Variants in KCNQ1 observed in about 807,000 individuals in gnomAD.
KCNQ1 encodes potassium voltage-gated channel subfamily Q member 1, also known as potassium voltage-gated channel subfamily KQT member 1.
Under a neutral mutation model 72.4 loss-of-function variants are expected in KCNQ1, and 49 were observed. The ratio of observed to expected loss-of-function variants is 0.68; its 90% CI spans 0.54 to 0.86. The LOEUF is 0.86. KCNQ1 is among the 40% of genes least tolerant of loss of function. The pLI is 0.00. For synonymous variants in KCNQ1, 450 were observed against 412.6 expected, an observed-to-expected ratio of 1.09 and a Z score of -1.10; for missense variants, 790 against 945.1, an observed-to-expected ratio of 0.84 and a Z score of 2.15.
intron 11 of KCNQ1, among the ~76,000 whole-genome samples, chr11:2,729,078 C>G (rs1845809475): frequency 6.6e-6 from 1 of 152,268 alleles, no homozygotes; most frequent in Non-Finnish European, 1.5e-5. Context: ...CACCCCCCGC[C>G]TGCCCCAGGC....
rs532381941 is a variant in KCNQ1 at position 2,724,951 on chromosome 11, G to T, written c.1515-43893G>T. 1.8e-4 allele frequency among the ~76,000 whole-genome samples: 28 copies of T among 152,198 alleles called. No individual in the cohort carries two copies. Among genetic ancestry groups the T allele is most frequent in the Non-Finnish European group, 3.5e-4 (24 of 68,040 alleles). ...AACCTGGACAGGGTGCCGAGGGCAG[G>T]GTCTGGTGTGGCTATCAGGAGCCAC... On this transcript the variant is annotated intron_variant, in intron 11 of 15. Transcript: ENST00000155840. This position sits in a 1 kb window ranked among gnomAD's most constrained non-coding sequence, Gnocchi z 6.8.
At chr11:2,529,323 T>C (rs1847569766) in intron 2 of KCNQ1, among the ~76,000 whole-genome samples, 1 of 152,188 alleles carries the variant, frequency 6.6e-6, no homozygotes, top group Non-Finnish European at 1.5e-5. Flanking sequence ...GGCTTTCTTT[T>C]TCGGGGGTTT....
chr11:2,770,247 C>T (rs1292096479), intron 12 of KCNQ1, among the ~76,000 whole-genome samples: 1 of 152,224 alleles, frequency 6.6e-6, no homozygotes, highest in Non-Finnish European at 1.5e-5. Flanking sequence ...AGCCTCCAGA[C>T]TTCACAGGGC....
chr11:2,657,422 T>C lies in KCNQ1; in HGVS notation c.1394-4539T>C, dbSNP rs371147129. ...CAATTTTCTCCAGAGTTCTTGCATA[T>C]ACTTAGTTAGATAATTAATATTCTT... On this transcript the variant is annotated intron_variant, in intron 10 of 15. Transcript: ENST00000155840. The surrounding 1 kb of genome is among the most constrained non-coding windows in gnomAD (Gnocchi z 4.8). 1.8e-5 allele frequency: 7 copies of C among 398,582 alleles called. No homozygotes were observed. The highest frequency in any genetic ancestry group is 1.2e-4 in the African/African-American group (6 of 48,766). The allele number at this position is 398,582 out of a possible 1,614,324, so 24.7% of individuals were successfully genotyped here. A position where few individuals can be genotyped will look rare whatever the true frequency, so the allele number is the denominator to read the frequency against.
intron 7 of KCNQ1, among the ~76,000 whole-genome samples, 195 bp downstream of exon 7, chr11:2,583,740 C>T (rs552129037): frequency 2.6e-5 from 4 of 152,332 alleles, no homozygotes; most frequent in South Asian, 4.1e-4. Flanking sequence ...TTTGCAGTCC[C>T]CACTGGGGTC....
rs1849688963 is a variant in KCNQ1 at position 2,647,786 on chromosome 11, G to T, written c.1394-14175G>T. On this transcript the variant is annotated intron_variant, in intron 10 of 15. Coordinates refer to ENST00000155840, the MANE Select transcript of KCNQ1 (RefSeq NM_000218.3). The surrounding 1 kb of genome is among the most constrained non-coding windows in gnomAD (Gnocchi z 4.0). ...GTTTTCTAATTGTTGACATATAGTT[G>T]TTCATAATGGTCTCTAATAATCTTT... 1 of 398,362 alleles carries T rather than the reference G, an allele frequency of 2.5e-6. No individual in the cohort carries two copies. The highest frequency in any genetic ancestry group is 4.4e-6 in the Non-Finnish European group (1 of 226,030). 24.7% of individuals were successfully genotyped at this position (398,362 alleles called of 1,614,324 possible). A position where few individuals can be genotyped will look rare whatever the true frequency, so the allele number is the denominator to read the frequency against.
chr11:2,522,932 T>C (rs1847414129), intron 1 of KCNQ1, among the ~76,000 whole-genome samples: 1 of 152,252 alleles, frequency 6.6e-6, no homozygotes, highest in South Asian at 2.1e-4. Flanking sequence ...CAGTCTTCCC[T>C]GGCCACATCC....
rs1325699648 is a variant in KCNQ1, at chr11:2,695,347, C to T, written c.1514+33266C>T. On this transcript the variant is annotated intron_variant, in intron 11 of 15. Transcript: ENST00000155840. The surrounding 1 kb of genome is among the most constrained non-coding windows in gnomAD (Gnocchi z 5.2). The stretch of plus-strand genomic sequence containing the variant: ...ATATCATTGTGTGTGTGTGTGTGCA[C>T]TCACGAGCACTCCCTAGTACTGCGT... 4 of 397,136 alleles carry T rather than the reference C, an allele frequency of 1.0e-5. No homozygotes were observed. The allele number at this position is 397,136 out of a possible 1,614,324, so 24.6% of individuals were successfully genotyped here. A position where few individuals can be genotyped will look rare whatever the true frequency, so the allele number is the denominator to read the frequency against.
intron 6 of KCNQ1, among the ~76,000 whole-genome samples, chr11:2,580,589 G>A (rs183319181): frequency 1.3e-5 from 2 of 152,350 alleles, no homozygotes; most frequent in African/African-American, 4.8e-5. Flanking sequence ...TTGGGTGGGA[G>A]CAGGAGTGCC....
chr11:2,733,814 A>ACTCT lies in KCNQ1; in HGVS notation c.1515-35026_1515-35023dup, dbSNP rs1554914246. On this transcript the variant is annotated intron_variant, in intron 11 of 15. Coordinates refer to ENST00000155840, the MANE Select transcript of KCNQ1 (RefSeq NM_000218.3). ...CACACACACACACACACACACACAC[A>ACTCT]CTCTCTCACTCTCTCTCTCTCTCTC... Among the ~76,000 whole-genome samples, 82 of 86,466 alleles carry ACTCT rather than the reference A, an allele frequency of 9.5e-4. 1 individual carries two copies. The highest frequency in any genetic ancestry group is 6.9e-3 in the Middle Eastern group (1 of 144). The allele number at this position is 86,466 out of a possible 152,430, so 56.7% of individuals were successfully genotyped here.
chr11:2,815,809 C>G lies in KCNQ1; in HGVS notation c.1795-31958C>G, dbSNP rs1847601603. Among the ~76,000 whole-genome samples, 1 of 152,146 alleles carries G rather than the reference C, an allele frequency of 6.6e-6. No homozygotes were observed. Among genetic ancestry groups the G allele is most frequent in the Non-Finnish European group, 1.5e-5 (1 of 68,010 alleles). ...CCCCAGCCCTTCCTGCTGGCCTCCC[C>G]AGAGCTCCAGGCTCTGAGGCCACAC... On this transcript the variant is annotated intron_variant, in intron 15 of 15. Coordinates refer to ENST00000155840, the MANE Select transcript of KCNQ1 (RefSeq NM_000218.3). This position sits in a 1 kb window ranked among gnomAD's most constrained non-coding sequence, Gnocchi z 5.4.
At chr11:2,699,413 G>A (rs961219751) in intron 11 of KCNQ1, 2 of 404,060 alleles carry the variant, frequency 4.9e-6, no homozygotes, top group Non-Finnish European at 8.7e-6. Flanking sequence ...GAGATGGGGA[G>A]GGCCGCGCTG....
rs1219609503 is a variant in KCNQ1, at chr11:2,601,596, GT to G, written c.1393+12743del. On this transcript the variant is annotated intron_variant, in intron 10 of 15. Transcript: ENST00000155840. The surrounding 1 kb of genome is among the most constrained non-coding windows in gnomAD (Gnocchi z 5.2). ...TCCCATCCCATCCCTCCAATCCCTG[GT>G]GACCACTCATCTGTTCTCTGATTCT... Among the ~76,000 whole-genome samples the G allele has an allele frequency of 1.3e-5, 2 of 152,058 alleles. No homozygotes were observed. Among genetic ancestry groups the G allele is most frequent in the Non-Finnish European group, 2.9e-5 (2 of 68,004 alleles).
In KCNQ1 at chr11:2,463,004, C is replaced by T. The variant is rs373191416; in HGVS notation, c.386+17520C>T. Among the ~76,000 whole-genome samples, 531 of 152,134 alleles carry T rather than the reference C, an allele frequency of 3.5e-3. 5 individuals carry two copies. The highest frequency in any genetic ancestry group is 0.012 in the African/African-American group (510 of 41,488). On this transcript the variant is annotated intron_variant, in intron 1 of 15. Coordinates refer to ENST00000155840, the MANE Select transcript of KCNQ1 (RefSeq NM_000218.3). The surrounding 1 kb of genome is among the most constrained non-coding windows in gnomAD (Gnocchi z 7.0). ...TGGGTGAGGCCCCTGAACTGGTAAGCGGGGCAGCGGCGGCAGGGGGCCCAG... is the reference window on the plus strand; with the variant it reads ...TGGGTGAGGCCCCTGAACTGGTAAGTGGGGCAGCGGCGGCAGGGGGCCCAG...
chr11:2,661,211 C>T lies in KCNQ1; in HGVS notation c.1394-750C>T. 1 of 398,552 alleles carries T rather than the reference C, an allele frequency of 2.5e-6. No individual in the cohort carries two copies. The highest frequency in any genetic ancestry group is 4.4e-6 in the Non-Finnish European group (1 of 226,126). The allele number at this position is 398,552 out of a possible 1,614,324, so 24.7% of individuals were successfully genotyped here. A position where few individuals can be genotyped will look rare whatever the true frequency, so the allele number is the denominator to read the frequency against. On this transcript the variant is annotated intron_variant, in intron 10 of 15. Coordinates refer to ENST00000155840, the MANE Select transcript of KCNQ1 (RefSeq NM_000218.3). The surrounding 1 kb of genome is among the most constrained non-coding windows in gnomAD (Gnocchi z 5.9). ...AGCCATTGTGAATCTTTGAATTATT[C>T]CACTTCTCACAGATGAGTACTTAAT...
intron 1 of KCNQ1, among the ~76,000 whole-genome samples, chr11:2,466,232 A>T (rs1240205403): frequency 6.6e-6 from 1 of 152,054 alleles, no homozygotes; most frequent in Non-Finnish European, 1.5e-5. Flanking sequence ...GTAGCTGGGG[A>T]AACTGAGGCC....
rs529904732 is a variant in KCNQ1 at position 2,565,301 on chromosome 11, G to A, written c.478-5327G>A. Among the ~76,000 whole-genome samples, 1 of 152,226 alleles carries A rather than the reference G, an allele frequency of 6.6e-6. No individual in the cohort carries two copies. Among genetic ancestry groups the A allele is most frequent in the South Asian group, 2.1e-4 (1 of 4,816 alleles). On this transcript the variant is annotated intron_variant, in intron 2 of 15. Transcript: ENST00000155840. This position sits in a 1 kb window ranked among gnomAD's most constrained non-coding sequence, Gnocchi z 5.6. ...GGGAGCACTTGTCACTCTGTTTGGGGTGGCAGCCACCCTAATGGATGAGAG... is the reference window on the plus strand; with the variant it reads ...GGGAGCACTTGTCACTCTGTTTGGGATGGCAGCCACCCTAATGGATGAGAG...
chr11:2,620,335 G>C lies in KCNQ1; in HGVS notation c.1393+31481G>C, dbSNP rs544895069. 5 of 201,932 alleles carry C rather than the reference G, an allele frequency of 2.5e-5. No individual in the cohort carries two copies. In the South Asian group the frequency reaches 9.5e-4, roughly 38 times the overall value. 12.5% of individuals were successfully genotyped at this position (201,932 alleles called of 1,614,324 possible). A position where few individuals can be genotyped will look rare whatever the true frequency, so the allele number is the denominator to read the frequency against. On this transcript the variant is annotated intron_variant, in intron 10 of 15. Transcript: ENST00000155840. This position sits in a 1 kb window ranked among gnomAD's most constrained non-coding sequence, Gnocchi z 4.5. Reference sequence around the variant, plus strand: ...GGGTTCAAGTGATTCTCCTGCCTCAGCCTCCTGAGTAGCTGGGATTAGAGG... The same window carrying C: ...GGGTTCAAGTGATTCTCCTGCCTCACCCTCCTGAGTAGCTGGGATTAGAGG...
In KCNQ1 at chr11:2,567,679, C is replaced by T. The variant is rs1193003558; in HGVS notation, c.478-2949C>T. On this transcript the variant is annotated intron_variant, in intron 2 of 15. Transcript: ENST00000155840. This position sits in a 1 kb window ranked among gnomAD's most constrained non-coding sequence, Gnocchi z 6.6. The stretch of plus-strand genomic sequence containing the variant: ...CTAATTAACCTGACAAGCGGGGCCT[C>T]CCCAGCCATGCAGCCTTGCACTGCC... 2.6e-5 allele frequency among the ~76,000 whole-genome samples: 4 copies of T among 152,222 alleles called. No homozygotes were observed. The highest frequency in any genetic ancestry group is 6.5e-5 in the Admixed American group (1 of 15,280).
Sources: gnomAD v4.1 joint callset for allele counts (sites outside exome capture counted in the v4.1 genomes callset) on GRCh38, gnomAD v4.1.1 for gene constraint, Gnocchi (gnomAD v3.1) non-coding constraint, MANE v1.5 for transcripts, NCBI Gene and HGNC (gene_info 2026-07-23, HGNC 2026-07-21) for gene names.